Variants in BCAS3 observed in about 807,000 individuals in gnomAD.
The protein encoded by BCAS3 is BCAS3 microtubule associated cell migration factor.
BCAS3 carries 53 observed loss-of-function variants against 116.1 expected under a neutral mutation model. The ratio of observed to expected loss-of-function variants is 0.46; its 90% CI spans 0.37 to 0.57. The LOEUF is 0.57. BCAS3 is among the 20% of genes least tolerant of loss of function. The pLI is 0.00. For missense variants in BCAS3, 917 were observed against 1,165.4 expected (o/e 0.79, Z 3.10); for synonymous variants, 391 against 408.2 (o/e 0.96, Z 0.51).
intron 5 of BCAS3, among the ~76,000 whole-genome samples, chr17:60,717,167 C>T (rs921547429): frequency 1.3e-5 from 2 of 151,874 alleles, no homozygotes; most frequent in African/African-American, 4.8e-5. Context: ...TACAAACATT[C>T]TGAGGTGCAG....
rs1191430550 is a variant in BCAS3 at position 61,097,933 on chromosome 17, A to G, written c.2425+13369A>G. On this transcript the variant is annotated intron_variant, in intron 22 of 23. Transcript: ENST00000407086. The surrounding 1 kb of genome is among the most constrained non-coding windows in gnomAD (Gnocchi z 4.0). ...GCCACGTGGGAGTTGAAGAGAATCA[A>G]CTATTCAGGTGGTGAAAATGTGTGA... is the stretch of plus-strand genomic sequence containing the variant. 6.6e-6 allele frequency among the ~76,000 whole-genome samples: 1 copy of G among 152,222 alleles called. No individual in the cohort carries two copies. The highest frequency in any genetic ancestry group is 1.5e-5 in the Non-Finnish European group (1 of 68,032).
At chr17:60,783,486 C>T (rs916561968) in intron 6 of BCAS3, among the ~76,000 whole-genome samples, 19 of 152,178 alleles carry the variant, frequency 1.2e-4, no homozygotes, top group African/African-American at 3.9e-4. Flanking sequence ...ATTATAGGCA[C>T]GAGCCACTGC....
In BCAS3 at chr17:61,279,863, C is replaced by T. The variant is rs1017369185; in HGVS notation, c.2426-88464C>T. On this transcript the variant is annotated intron_variant, in intron 22 of 23. Transcript: ENST00000407086. This position sits in a 1 kb window ranked among gnomAD's most constrained non-coding sequence, Gnocchi z 4.4. ...GATTGGATGACTGTGGCAGTACCAG[C>T]TTTGCTAAATCTCCTTTGGCTCACT... 1.3e-4 allele frequency among the ~76,000 whole-genome samples: 19 copies of T among 151,890 alleles called. No individual in the cohort carries two copies. The highest frequency in any genetic ancestry group is 4.1e-4 in the African/African-American group (17 of 41,360).
At position 61,068,708 on chromosome 17, in the gene BCAS3, T is replaced by G. The variant is rs1487011166; in HGVS notation, c.2030-6212T>G. ...CGCCATTGGTCCCTAAAACTTCTTCTGGGATTCTGTCGTTTCCCACTCCTC... is the reference window on the plus strand; with the variant it reads ...CGCCATTGGTCCCTAAAACTTCTTCGGGGATTCTGTCGTTTCCCACTCCTC... On this transcript the variant is annotated intron_variant, in intron 19 of 23. Coordinates refer to ENST00000407086, the MANE Select transcript of BCAS3 (RefSeq NM_017679.5). This position sits in a 1 kb window ranked among gnomAD's most constrained non-coding sequence, Gnocchi z 4.3. Among the ~76,000 whole-genome samples, 1 of 152,220 alleles carries G rather than the reference T, an allele frequency of 6.6e-6. No individual in the cohort carries two copies. Among genetic ancestry groups the G allele is most frequent in the Non-Finnish European group, 1.5e-5 (1 of 68,036 alleles).
chr17:60,978,805 A>G (rs1422125657), intron 14 of BCAS3, among the ~76,000 whole-genome samples: 2 of 145,542 alleles, frequency 1.4e-5, no homozygotes, highest in African/African-American at 2.6e-5. Flanking sequence ...CAAAGATCAG[A>G]TAGTTGTAGA....
chr17:60,911,792 T>C (rs1050408919), intron 12 of BCAS3, among the ~76,000 whole-genome samples: 5 of 152,204 alleles, frequency 3.3e-5, no homozygotes, highest in African/African-American at 1.2e-4. Context: ...TATAAACAAA[T>C]TAATTAATAG....
At chr17:61,089,687 C>T (rs1271221097) in intron 22 of BCAS3, among the ~76,000 whole-genome samples, 4 of 151,746 alleles carry the variant, frequency 2.6e-5, no homozygotes, top group South Asian at 2.1e-4. Context: ...CGCGCCACCA[C>T]GCCCGGCTAA....
At chr17:60,970,881 T>C (rs2145346994) in intron 14 of BCAS3, among the ~76,000 whole-genome samples, 1 of 152,320 alleles carries the variant, frequency 6.6e-6, no homozygotes, top group Non-Finnish European at 1.5e-5. Flanking sequence ...ACTAGCTACA[T>C]TGGCCTATTA....
rs1027706448 is a variant in BCAS3 at position 61,186,946 on chromosome 17, G to T, written c.2425+102382G>T. 6.6e-6 allele frequency among the ~76,000 whole-genome samples: 1 copy of T among 152,124 alleles called. No homozygotes were observed. The highest frequency in any genetic ancestry group is 2.4e-5 in the African/African-American group (1 of 41,422). On this transcript the variant is annotated intron_variant, in intron 22 of 23. Transcript: ENST00000407086. The surrounding 1 kb of genome is among the most constrained non-coding windows in gnomAD (Gnocchi z 4.9). ...AGGATGGTCTCGATCTCCTGACCTC[G>T]TGATCCACCCACCTCGGCCTCCCAA...
At chr17:60,780,524 G>T (rs1026786178) in intron 6 of BCAS3, among the ~76,000 whole-genome samples, 1 of 151,230 alleles carries the variant, frequency 6.6e-6, no homozygotes, top group Admixed American at 6.6e-5. Flanking sequence ...GCTGATCTTG[G>T]ACTGCTGACC....
chr17:60,686,896 T>C (rs2034137214), intron 3 of BCAS3, among the ~76,000 whole-genome samples: 1 of 152,194 alleles, frequency 6.6e-6, no homozygotes, highest in South Asian at 2.1e-4. Context: ...ATATATGAAA[T>C]TTTTACATTT....
chr17:61,263,918 G>T (rs1185240546), intron 22 of BCAS3, among the ~76,000 whole-genome samples: 1 of 152,114 alleles, frequency 6.6e-6, no homozygotes, highest in African/African-American at 2.4e-5. Flanking sequence ...TCATTTTAGG[G>T]TAGCAAAAAT....
At position 60,970,639 on chromosome 17, in the gene BCAS3, A is replaced by G. The variant is rs191532741; in HGVS notation, c.1222-19332A>G. 1.2e-3 allele frequency among the ~76,000 whole-genome samples: 187 copies of G among 152,338 alleles called. 1 individual carries two copies. The highest frequency in any genetic ancestry group is 3.8e-3 in the African/African-American group (156 of 41,590). ...CAAATTATCAGGAAAATTTAAATGT[A>G]TGCACGTAGACTCAGTTTTAAATGC... is the stretch of plus-strand genomic sequence containing the variant. On this transcript the variant is annotated intron_variant, in intron 14 of 23. Transcript: ENST00000407086.
intron 19 of BCAS3, among the ~76,000 whole-genome samples, chr17:61,054,201 A>G (rs571732236): frequency 3.3e-5 from 5 of 152,288 alleles, no homozygotes; most frequent in East Asian, 3.9e-4. Flanking sequence ...TTTTTCTGTC[A>G]TTGCTGGTCT....
intron 12 of BCAS3, among the ~76,000 whole-genome samples, chr17:60,912,886 G>C (rs1251233403): frequency 6.6e-6 from 1 of 152,032 alleles, no homozygotes; most frequent in South Asian, 2.1e-4. Context: ...TGTTGATGGA[G>C]AGATTTGGGA....
At chr17:61,221,710 G>A (rs1316691531) in intron 22 of BCAS3, among the ~76,000 whole-genome samples, 1 of 152,106 alleles carries the variant, frequency 6.6e-6, no homozygotes, top group Non-Finnish European at 1.5e-5. Context: ...TGTGCCTGTG[G>A]TTGGGGTGCT....
intron 9 of BCAS3, among the ~76,000 whole-genome samples, chr17:60,876,485 A>T (rs1358466527): frequency 2.0e-5 from 3 of 152,048 alleles, no homozygotes; most frequent in Non-Finnish European, 2.9e-5. Context: ...TCTCCTTCTA[A>T]ATCCCTTAAA....
Position 61,098,031 on chromosome 17 carries a change from A to G in BCAS3, c.2425+13467A>G, listed in dbSNP as rs1196074550. On this transcript the variant is annotated intron_variant, in intron 22 of 23. Transcript: ENST00000407086. This position sits in a 1 kb window ranked among gnomAD's most constrained non-coding sequence, Gnocchi z 4.2. ...CTTATTGCTTTAGGCAACAACTGACAGGCCTGACTGGTCATTGGCTTTCCA... is the reference window on the plus strand; with the variant it reads ...CTTATTGCTTTAGGCAACAACTGACGGGCCTGACTGGTCATTGGCTTTCCA... Among the ~76,000 whole-genome samples, 2 of 152,228 alleles carry G rather than the reference A, an allele frequency of 1.3e-5. No individual in the cohort carries two copies. Among genetic ancestry groups the G allele is most frequent in the Non-Finnish European group, 2.9e-5 (2 of 68,042 alleles).
chr17:60,838,153 A>C (rs1599054944), intron 7 of BCAS3, among the ~76,000 whole-genome samples: 3 of 152,168 alleles, frequency 2.0e-5, no homozygotes, highest in African/African-American at 7.2e-5. Context: ...AGAAAATGGA[A>C]TTAAATGAGA....
Sources: gnomAD v4.1 joint callset for allele counts (sites outside exome capture counted in the v4.1 genomes callset) on GRCh38, gnomAD v4.1.1 for gene constraint, Gnocchi (gnomAD v3.1) non-coding constraint, MANE v1.5 for transcripts, NCBI Gene and HGNC (gene_info 2026-07-23, HGNC 2026-07-21) for gene names.